CKMT2: variants seen among roughly 807,000 people sequenced by gnomAD.
CKMT2 encodes the protein creatine kinase S-type, mitochondrial.
CKMT2 carries 43 observed loss-of-function variants against 48.9 expected under a neutral mutation model. That is an observed-to-expected ratio of 0.88 (90% CI 0.69 to 1.13). The LOEUF is 1.13. Ranked by LOEUF, CKMT2 falls within the 50% of genes most tolerant of loss-of-function variation. The pLI, the probability that CKMT2 is intolerant of heterozygous loss-of-function variation, is 0.00. For missense variants in CKMT2, 472 were observed against 555.4 expected (o/e 0.85, Z 1.51); for synonymous variants, 206 against 213.0 (o/e 0.97, Z 0.29).
intron 9 of CKMT2, 104 bp downstream of exon 9, chr5:81,263,720 T>C: frequency 9.6e-7 from 1 of 1,045,192 alleles, no homozygotes. Context: ...CGAGACCTCC[T>C]CTTCGCCCAT....
intron 1 of CKMT2, among the ~76,000 whole-genome samples, chr5:81,241,611 A>G (rs1756436540): frequency 6.6e-6 from 1 of 152,220 alleles, no homozygotes; most frequent in Non-Finnish European, 1.5e-5. Context: ...GATAAAGGCA[A>G]TTAGCGAACA....
intron 2 of CKMT2, 88 bp from the exon 3 acceptor site, chr5:81,252,607 A>C: frequency 2.2e-6 from 3 of 1,352,690 alleles, no homozygotes; most frequent in Non-Finnish European, 3.1e-6. Context: ...AAGGGAGCCT[A>C]GTGGAAGGAT....
intron 3 of CKMT2, among the ~76,000 whole-genome samples, chr5:81,253,945 C>T (rs1233569671): frequency 6.6e-6 from 1 of 152,242 alleles, no homozygotes; most frequent in African/African-American, 2.4e-5. Context: ...AGGTTTTCAA[C>T]AAATTTCATA....
chr5:81,257,353 G>A (rs1183129978), intron 6 of CKMT2, among the ~76,000 whole-genome samples: 6 of 152,024 alleles, frequency 3.9e-5, no homozygotes, highest in Admixed American at 3.9e-4. Flanking sequence ...CAACATCTTG[G>A]GTGGAAGGTA....
rs142913020 is a variant in CKMT2 at position 81,233,359 on chromosome 5, G to A, written c.-39G>A. ...TGGCTGTGTGCGCTCAGCAGGACGT[G>A]GGAGGCTCCGGCTTCAAGGTCGGTG... On this transcript the variant is annotated 5_prime_UTR_variant, in exon 1 of 10. Transcript: ENST00000254035. 19,691 of 985,772 alleles carry A rather than the reference G, an allele frequency of 0.02. 214 individuals carry two copies. The highest frequency in any genetic ancestry group is 0.046 in the South Asian group (974 of 21,292). The allele number at this position is 985,772 out of a possible 1,614,324, so 61.1% of individuals were successfully genotyped here. A position where few individuals can be genotyped will look rare whatever the true frequency, so the allele number is the denominator to read the frequency against.
At chr5:81,238,221 C>CTACT (rs1756312096) in intron 1 of CKMT2, 1 of 152,148 alleles carries the variant, frequency 6.6e-6, no homozygotes, top group Non-Finnish European at 1.5e-5. Context: ...GCAGTCCCAG[C>CTACT]TACTTGGGAG....
rs181936673 is a variant in CKMT2, at chr5:81,233,871, C to G, written c.-21+494C>G. ...AATTAAAATTTTGAGAAGCTATTTG[C>G]TCATAAGCCCAATAGCCAGGCCCAG... On this transcript the variant is annotated intron_variant, in intron 1 of 9. Transcript: ENST00000254035. 1.2e-3 allele frequency among the ~76,000 whole-genome samples: 180 copies of G among 152,158 alleles called. 2 individuals carry two copies. Among genetic ancestry groups the G allele is most frequent in the African/African-American group, 4.1e-3 (172 of 41,504 alleles).
intron 1 of CKMT2, among the ~76,000 whole-genome samples, chr5:81,248,296 T>G (rs896307303): frequency 1.3e-5 from 2 of 152,222 alleles, no homozygotes; most frequent in African/African-American, 4.8e-5. Context: ...AGGAAGACCA[T>G]GTCTGGCTTA....
Position 81,239,729 on chromosome 5 carries a change from A to G in CKMT2, c.-21+6352A>G, listed in dbSNP as rs111709434. Among the ~76,000 whole-genome samples, 862 of 152,208 alleles carry G rather than the reference A, an allele frequency of 5.7e-3. 8 individuals are homozygous for G. Among genetic ancestry groups the G allele is most frequent in the African/African-American group, 0.02 (827 of 41,534 alleles). On this transcript the variant is annotated intron_variant, in intron 1 of 9. Transcript: ENST00000254035. ...AACCATGCCCTCCCAGGACCCCCCA[A>G]CAGGCTCTGGCTCCCCAAGTAGAGC...
At chr5:81,264,324 A>G (rs1757324781) in intron 9 of CKMT2, among the ~76,000 whole-genome samples, 1 of 152,218 alleles carries the variant, frequency 6.6e-6, no homozygotes, top group African/African-American at 2.4e-5. Flanking sequence ...GTCCCATTGG[A>G]CATATTATGC....
rs933725037 is a variant in CKMT2 at position 81,265,137 on chromosome 5, C to T, written c.1141-1002C>T. On this transcript the variant is annotated intron_variant, in intron 9 of 9. Transcript: ENST00000254035. The stretch of plus-strand genomic sequence containing the variant: ...GAATTCCTGGGTTAAAACCAGAGTT[C>T]CCTATTTATAATCAAGTTTTCTACC... 3.9e-5 allele frequency among the ~76,000 whole-genome samples: 6 copies of T among 152,132 alleles called. No individual in the cohort carries two copies. In the East Asian group the frequency reaches 1.2e-3, roughly 29 times the overall value.
At position 81,251,219 on chromosome 5, in the gene CKMT2, G is replaced by A; in HGVS notation, c.87G>A (p.Gly29=). 1 of 1,614,176 alleles carries A rather than the reference G, an allele frequency of 6.2e-7. No homozygotes were observed. The highest frequency in any genetic ancestry group is 2.2e-5 in the East Asian group (1 of 44,870). The change falls in exon 2 of 10, where the codon GGG becomes GGA. Residue 29 remains glycine (G), a synonymous_variant. Transcript: ENST00000254035. ...ATMGTSVLTT[G]YLLNRQKVCA... Reference sequence around the variant, plus strand: ...TGGGCACCAGTGTCCTGACCACCGGGTACCTGCTGAACCGGCAGAAAGTGT... The same window carrying A: ...TGGGCACCAGTGTCCTGACCACCGGATACCTGCTGAACCGGCAGAAAGTGT...
intron 1 of CKMT2, among the ~76,000 whole-genome samples, chr5:81,245,982 C>T (rs533267242): frequency 1.3e-5 from 2 of 152,130 alleles, no homozygotes; most frequent in Non-Finnish European, 2.9e-5. Context: ...CACGACCTGT[C>T]AGCACTGCCC....
At chr5:81,261,507 A>T (rs1757223311) in intron 8 of CKMT2, among the ~76,000 whole-genome samples, 1 of 152,242 alleles carries the variant, frequency 6.6e-6, no homozygotes, top group Non-Finnish European at 1.5e-5. Flanking sequence ...TCAAAGTCTC[A>T]GGATACAAAA....
rs1227627165 is a variant in CKMT2 at position 81,255,241 on chromosome 5, G to A, written c.669+27G>A. On this transcript the variant is annotated intron_variant, in intron 5 of 9. Transcript: ENST00000254035. Reference sequence around the variant, plus strand: ...TGAGTAGCAGATGGGGCTCCCTGGGGAAGGACTGGACCAAGGGCTCTGACC... The same window carrying A: ...TGAGTAGCAGATGGGGCTCCCTGGGAAAGGACTGGACCAAGGGCTCTGACC... 4 of 1,597,618 alleles carry A rather than the reference G, an allele frequency of 2.5e-6. No individual in the cohort carries two copies. The Admixed American group carries it at 6.7e-5, about 27-fold the overall frequency.
intron 1 of CKMT2, among the ~76,000 whole-genome samples, chr5:81,239,865 G>C (rs541264191): frequency 6.6e-6 from 1 of 152,212 alleles, no homozygotes; most frequent in African/African-American, 2.4e-5. Context: ...TGTGGTCCTG[G>C]GTGAGTTATT....
chr5:81,248,949 C>G (rs1373081960), intron 1 of CKMT2, among the ~76,000 whole-genome samples: 1 of 152,116 alleles, frequency 6.6e-6, no homozygotes, highest in East Asian at 1.9e-4. Context: ...TCAGCTACAG[C>G]CTTACACATC....
At chr5:81,263,280 A>G (rs919454776) in intron 8 of CKMT2, among the ~76,000 whole-genome samples, 3 of 151,488 alleles carry the variant, frequency 2.0e-5, no homozygotes, top group Non-Finnish European at 4.4e-5. Context: ...CTATTTAACA[A>G]ACCTGCACGT....
chr5:81,256,209 G>T (rs1186642399), intron 5 of CKMT2, among the ~76,000 whole-genome samples: 2 of 152,128 alleles, frequency 1.3e-5, no homozygotes, highest in African/African-American at 2.4e-5. Flanking sequence ...TTGATATGTG[G>T]AGTAGTATAT....
Sources: gnomAD v4.1 joint callset for allele counts (sites outside exome capture counted in the v4.1 genomes callset) on GRCh38, gnomAD v4.1.1 for gene constraint, MANE v1.5 for transcripts, NCBI Gene and HGNC (gene_info 2026-07-23, HGNC 2026-07-21) for gene names.